ZNF667: variants seen among roughly 807,000 people sequenced by gnomAD.
ZNF667 encodes zinc finger protein 667, also known as myocardial ischemic preconditioning upregulated 1 ortholog.
ZNF667 carries 13 observed loss-of-function variants against 31.8 expected under a neutral mutation model. That is an observed-to-expected ratio of 0.41 (90% CI 0.27 to 0.65). The LOEUF is 0.65. Among genes scored for constraint, ZNF667 ranks in the 30% least tolerant of loss-of-function variants. The pLI is 0.32. For missense variants in ZNF667, 642 were observed against 725.6 expected (o/e 0.88, Z 1.32); for synonymous variants, 228 against 247.1 (o/e 0.92, Z 0.73).
intron 3 of ZNF667, among the ~76,000 whole-genome samples, chr19:56,465,176 C>T (rs1382655428): frequency 6.6e-6 from 1 of 152,186 alleles, no homozygotes; most frequent in African/African-American, 2.4e-5. Context: ...CAGAAATATC[C>T]CCAAAAGCTT....
intron 6 of ZNF667, among the ~76,000 whole-genome samples, chr19:56,457,774 G>A (rs1446931236): frequency 6.6e-6 from 1 of 152,116 alleles, no homozygotes; most frequent in Non-Finnish European, 1.5e-5. Context: ...CAGATTGAAC[G>A]TTTATGTCTC....
intron 5 of ZNF667, among the ~76,000 whole-genome samples, chr19:56,458,763 G>T (rs2042985426): frequency 6.6e-6 from 1 of 152,188 alleles, no homozygotes; most frequent in Non-Finnish European, 1.5e-5. Context: ...TGCATGCTCT[G>T]TGTCCCTCCC....
chr19:56,469,412 G>A (rs2043237447), intron 3 of ZNF667, among the ~76,000 whole-genome samples: 1 of 152,306 alleles, frequency 6.6e-6, no homozygotes, highest in South Asian at 2.1e-4. Flanking sequence ...GTTACCCTGG[G>A]CAAGCCACTG....
intron 6 of ZNF667, among the ~76,000 whole-genome samples, chr19:56,443,203 T>C (rs1167451256): frequency 1.3e-5 from 2 of 152,224 alleles, no homozygotes; most frequent in African/African-American, 4.8e-5. Context: ...TTACACACTC[T>C]GTAAATTTAT....
intron 3 of ZNF667, among the ~76,000 whole-genome samples, chr19:56,464,122 A>G (rs191097726): frequency 6.6e-6 from 1 of 152,364 alleles, no homozygotes; most frequent in African/African-American, 2.4e-5. Context: ...GAAAAAATGT[A>G]AACTATCAGT....
intron 6 of ZNF667, among the ~76,000 whole-genome samples, chr19:56,446,134 G>A (rs1020768367): frequency 1.1e-4 from 17 of 152,356 alleles, no homozygotes; most frequent in Non-Finnish European, 1.9e-4. Flanking sequence ...TTTCATAGGT[G>A]TGCTTTAAAG....
At position 56,457,713 on chromosome 19, in the gene ZNF667, C is replaced by T. The variant is rs558731955; in HGVS notation, c.253+442G>A. Among the ~76,000 whole-genome samples the T allele has an allele frequency of 2.5e-4, 38 of 152,266 alleles. No homozygotes were observed. In the South Asian group the frequency reaches 7.9e-3, roughly 32 times the overall value. On this transcript the variant is annotated intron_variant, in intron 6 of 6. Coordinates refer to ENST00000504904, the MANE Select transcript of ZNF667 (RefSeq NM_001321356.2). Reference sequence around the variant, plus strand: ...CAAATAATCTCTTAAAGAGATTGCCCCCTCACAATTACATGAGCTCTTATG... The same window carrying T: ...CAAATAATCTCTTAAAGAGATTGCCTCCTCACAATTACATGAGCTCTTATG...
chr19:56,442,574 T>C lies in ZNF667; in HGVS notation c.421A>G (p.Lys141Glu). The change falls in exon 7 of 7, where the codon AAG becomes GAG. Residue 141 changes from lysine (K) to glutamate (E), a missense_variant. Transcript: ENST00000504904. Reference sequence around the variant, plus strand: ...CAGTCATTACATTTTAAAGGTTTCTTCCCTGAATGCCCTTTCTTAGGTTTT... The same window carrying C: ...CAGTCATTACATTTTAAAGGTTTCTCCCCTGAATGCCCTTTCTTAGGTTTT... Reference protein sequence around the residue: ...LVKPKKGHSGKKPLKCNDCGK... With the variant: ...LVKPKKGHSGEKPLKCNDCGK... 6.2e-7 allele frequency: 1 copy of C among 1,614,154 alleles called. No homozygotes were observed. The highest frequency in any genetic ancestry group is 1.6e-4 in the Middle Eastern group (1 of 6,062).
intron 6 of ZNF667, 133 bp downstream of exon 6, chr19:56,458,022 T>C (rs760245779): frequency 1.5e-4 from 122 of 794,438 alleles, no homozygotes; most frequent in South Asian, 3.3e-4. Flanking sequence ...TGCTCATGCA[T>C]TGATCTTGGA....
chr19:56,464,704 T>C (rs1484714216), intron 3 of ZNF667, among the ~76,000 whole-genome samples: 3 of 152,230 alleles, frequency 2.0e-5, no homozygotes, highest in African/African-American at 4.8e-5. Flanking sequence ...TGGGTGTTTA[T>C]GTGGGTAGTA....
chr19:56,448,858 TG>T (rs930269782), intron 6 of ZNF667, among the ~76,000 whole-genome samples: 1 of 152,164 alleles, frequency 6.6e-6, no homozygotes, highest in African/African-American at 2.4e-5. Flanking sequence ...TGGGCAAGAA[TG>T]AGTACTACGC....
intron 4 of ZNF667, among the ~76,000 whole-genome samples, chr19:56,461,522 CG>C (rs1202408448): frequency 2.0e-5 from 3 of 152,148 alleles, no homozygotes; most frequent in Non-Finnish European, 4.4e-5. Context: ...AGAACACAGC[CG>C]GCTGACACCT....
chr19:56,457,157 A>G (rs990490067), intron 6 of ZNF667, among the ~76,000 whole-genome samples: 4 of 152,234 alleles, frequency 2.6e-5, no homozygotes, highest in African/African-American at 7.2e-5. Flanking sequence ...TTGGCCAACC[A>G]AAGAGGAACC....
At chr19:56,452,057 T>C (rs1157458070) in intron 6 of ZNF667, among the ~76,000 whole-genome samples, 1 of 151,500 alleles carries the variant, frequency 6.6e-6, no homozygotes, top group Non-Finnish European at 1.5e-5. Context: ...CTCTTTTTTT[T>C]TTTTTTTTGA....
At chr19:56,467,117 G>A (rs1464234211) in intron 3 of ZNF667, 4 of 453,562 alleles carry the variant, frequency 8.8e-6, no homozygotes, top group South Asian at 1.6e-5. Flanking sequence ...GTCCAGGAGG[G>A]GCCTCTAATT....
Position 56,440,858 on chromosome 19 carries a change from C to T in ZNF667, c.*304G>A, listed in dbSNP as rs561153819. ...CACCGTGGTCTCAAACTCTTGACCTCGTGATCCGCCTGTCTCAGCCTCCCA... is the reference window on the plus strand; with the variant it reads ...CACCGTGGTCTCAAACTCTTGACCTTGTGATCCGCCTGTCTCAGCCTCCCA... On this transcript the variant is annotated 3_prime_UTR_variant, in exon 7 of 7. Coordinates refer to ENST00000504904, the MANE Select transcript of ZNF667 (RefSeq NM_001321356.2). The T allele has an allele frequency of 2.2e-5, 23 of 1,058,698 alleles. No homozygotes were observed. Among genetic ancestry groups the T allele is most frequent in the South Asian group, 6.3e-5 (2 of 31,676 alleles). 65.6% of individuals were successfully genotyped at this position (1,058,698 alleles called of 1,614,324 possible).
chr19:56,473,845 A>G (rs1049069518), intron 2 of ZNF667, among the ~76,000 whole-genome samples, 167 bp downstream of exon 2: 1 of 152,246 alleles, frequency 6.6e-6, no homozygotes, highest in Non-Finnish European at 1.5e-5. Flanking sequence ...AAGGCTCTGG[A>G]AAGATAAACA....
intron 1 of ZNF667, 141 bp downstream of exon 1, chr19:56,477,131 C>CCGCCCACGCAAG (rs2043428566): frequency 1.3e-5 from 2 of 152,254 alleles, no homozygotes. Context: ...CGCGAGCCCA[C>CCGCCCACGCAAG]CGCCCACGCA....
At chr19:56,450,100 G>T (rs1415118393) in intron 6 of ZNF667, among the ~76,000 whole-genome samples, 1 of 151,994 alleles carries the variant, frequency 6.6e-6, no homozygotes. Flanking sequence ...GGAGAAAGAT[G>T]TCAAAATTCA....
Sources: gnomAD v4.1 joint callset for allele counts (sites outside exome capture counted in the v4.1 genomes callset) on GRCh38, gnomAD v4.1.1 for gene constraint, MANE v1.5 for transcripts, NCBI Gene and HGNC (gene_info 2026-07-23, HGNC 2026-07-21) for gene names.